Variants in CPLX1 observed in about 807,000 individuals in gnomAD.
The protein encoded by CPLX1 is complexin-1.
A neutral mutation model predicts 15.6 loss-of-function variants in CPLX1; 6 were observed. The ratio of observed to expected loss-of-function variants is 0.39; its 90% confidence interval spans 0.21 to 0.76. The LOEUF (loss-of-function observed/expected upper bound fraction) is 0.76. Ranked by LOEUF, CPLX1 falls within the 30% of genes least tolerant of loss-of-function variation. The pLI is 0.43. For synonymous variants in CPLX1, 91 were observed against 75.2 expected (o/e 1.21, Z -1.08); for missense variants, 242 against 188.6 (o/e 1.28, Z -1.66).
At chr4:814,614 C>T (rs534080247) in intron 2 of CPLX1, among the ~76,000 whole-genome samples, 4 of 152,350 alleles carry the variant, frequency 2.6e-5, no homozygotes, top group Admixed American at 6.5e-5. Flanking sequence ...CAAAAATCTT[C>T]GAACTTGTTT....
Position 792,540 on chromosome 4 carries a change from CCTT to C in CPLX1, c.97_99del (p.Lys33del), listed in dbSNP as rs746371966. The C allele has an allele frequency of 1.7e-5, 28 of 1,613,378 alleles. No individual in the cohort carries two copies. The highest frequency in any genetic ancestry group is 5.5e-5 in the South Asian group (5 of 91,070). On this transcript the variant is annotated inframe_deletion, in exon 3 of 4. Coordinates refer to ENST00000304062, the MANE Select transcript of CPLX1 (RefSeq NM_006651.4). Reference sequence around the variant, plus strand: ...CGCAGCGCCTCCTGCCGCTCCTCCTCCTTCTTGGCGGCGTCTGGGTCCTTCTCC... The same window carrying C: ...CGCAGCGCCTCCTGCCGCTCCTCCTCCTTGGCGGCGTCTGGGTCCTTCTCC...
intron 2 of CPLX1, among the ~76,000 whole-genome samples, chr4:793,632 T>TAAA (rs1746248453): frequency 6.6e-6 from 1 of 152,172 alleles, no homozygotes; most frequent in African/African-American, 2.4e-5. Flanking sequence ...CATGGCCACT[T>TAAA]ATAGCCCTCA....
At chr4:792,285 C>T (rs993163337) in intron 3 of CPLX1, 148 bp downstream of exon 3, 12 of 697,732 alleles carry the variant, frequency 1.7e-5, no homozygotes, top group African/African-American at 9.5e-5. Context: ...CACCCCTCAC[C>T]CCTCCGCCAC....
chr4:814,503 A>G (rs1343312981), intron 2 of CPLX1, among the ~76,000 whole-genome samples: 2 of 152,092 alleles, frequency 1.3e-5, no homozygotes, highest in Non-Finnish European at 2.9e-5. Context: ...ATGAGCCACC[A>G]CGCCCGGCCC....
chr4:806,002 G>T (rs939483114), intron 2 of CPLX1, among the ~76,000 whole-genome samples: 28 of 152,172 alleles, frequency 1.8e-4, no homozygotes, highest in African/African-American at 6.5e-4. Flanking sequence ...AGTTGGAAAT[G>T]ATGAAAAGTT....
intron 2 of CPLX1, among the ~76,000 whole-genome samples, chr4:819,754 G>T (rs887428234): frequency 2.0e-5 from 3 of 152,240 alleles, no homozygotes; most frequent in Non-Finnish European, 2.9e-5. Flanking sequence ...AACCCTCCAT[G>T]AGAGTCTGTA....
intron 2 of CPLX1, among the ~76,000 whole-genome samples, chr4:809,006 G>A (rs953118208): frequency 4.6e-5 from 7 of 152,288 alleles, no homozygotes; most frequent in Non-Finnish European, 8.8e-5. Flanking sequence ...TAGAGAGCGC[G>A]CGAGTGCGCG....
intron 2 of CPLX1, among the ~76,000 whole-genome samples, chr4:819,621 C>A (rs930484484): frequency 6.6e-6 from 1 of 152,212 alleles, no homozygotes; most frequent in Non-Finnish European, 1.5e-5. Flanking sequence ...GAAACCAAGT[C>A]TCCCCAAGTT....
intron 2 of CPLX1, among the ~76,000 whole-genome samples, chr4:808,334 T>C (rs547513117): frequency 6.6e-6 from 1 of 152,116 alleles, no homozygotes; most frequent in South Asian, 2.1e-4. Context: ...TGGAAAATAT[T>C]AAAACCACGG....
chr4:786,585 G>C lies in CPLX1; in HGVS notation c.321C>G (p.Asp107Glu). The C allele has an allele frequency of 1.9e-6, 3 of 1,610,970 alleles. No homozygotes were observed. Among genetic ancestry groups the C allele is most frequent in the Non-Finnish European group, 2.5e-6 (3 of 1,178,776 alleles). ...PKKAIPPGCG[D>E]EVEEEDESIL... ...TGCTCTCGTCCTCCTCCTCCACCTC[G>C]TCCCCGCAGCCCGGCGGGATGGCCT... The change falls in exon 4 of 4, where the codon GAC becomes GAG. Residue 107 changes from aspartate (D) to glutamate (E), a missense_variant. Transcript: ENST00000304062.
At chr4:801,673 T>C (rs962999392) in intron 2 of CPLX1, among the ~76,000 whole-genome samples, 5 of 152,262 alleles carry the variant, frequency 3.3e-5, no homozygotes, top group African/African-American at 1.2e-4. Flanking sequence ...TCCATCTGGG[T>C]GTGCAACAGT....
chr4:812,011 G>T (rs1055063297), intron 2 of CPLX1, among the ~76,000 whole-genome samples: 2 of 152,038 alleles, frequency 1.3e-5, no homozygotes, highest in Admixed American at 6.6e-5. Context: ...TATTAATATA[G>T]CCACTCAAGT....
intron 2 of CPLX1, among the ~76,000 whole-genome samples, chr4:799,661 G>A (rs778042995): frequency 5.3e-5 from 8 of 152,138 alleles, no homozygotes; most frequent in Non-Finnish European, 1.0e-4. Context: ...TCTGGAGTTC[G>A]AGACCAGCCC....
intron 2 of CPLX1, among the ~76,000 whole-genome samples, chr4:795,196 G>A (rs1425531793): frequency 6.6e-6 from 1 of 152,274 alleles, no homozygotes; most frequent in African/African-American, 2.4e-5. Flanking sequence ...CTGGGAATTG[G>A]GCGCAGCCAG....
At chr4:789,726 C>A (rs1183613065) in intron 3 of CPLX1, among the ~76,000 whole-genome samples, 1 of 152,204 alleles carries the variant, frequency 6.6e-6, no homozygotes, top group Non-Finnish European at 1.5e-5. Flanking sequence ...GCGCGCTGCT[C>A]CTCTGGGAAC....
chr4:795,557 G>A (rs956259557), intron 2 of CPLX1, among the ~76,000 whole-genome samples: 21 of 152,194 alleles, frequency 1.4e-4, no homozygotes, highest in Non-Finnish European at 2.9e-5. Context: ...AGTCTGGCTG[G>A]GGTCCGCTAC....
intron 3 of CPLX1, chr4:788,082 C>A: frequency 1.0e-5 from 10 of 985,426 alleles, no homozygotes; most frequent in Non-Finnish European, 1.2e-5. Context: ...CGGAGGAGCA[C>A]ACCGCGGGAT....
intron 3 of CPLX1, among the ~76,000 whole-genome samples, chr4:791,817 C>T (rs1293572064): frequency 6.6e-6 from 1 of 152,192 alleles, no homozygotes; most frequent in African/African-American, 2.4e-5. Flanking sequence ...ACCATGCCCG[C>T]TCACCCCTGG....
At chr4:792,187 T>C (rs1746196644) in intron 3 of CPLX1, among the ~76,000 whole-genome samples, 1 of 152,168 alleles carries the variant, frequency 6.6e-6, no homozygotes. Context: ...CGCATCGGAA[T>C]GCGGGCCTAG....
Sources: allele counts gnomAD v4.1 joint callset (sites outside exome capture counted in the v4.1 genomes callset), GRCh38; gene constraint gnomAD v4.1.1; transcripts MANE v1.5; gene names NCBI Gene and HGNC (gene_info 2026-07-23, HGNC 2026-07-21).